B3GAT2: variants seen among roughly 807,000 people sequenced by gnomAD.
The protein encoded by B3GAT2 is beta-1,3-glucuronyltransferase 2, also known as galactosylgalactosylxylosylprotein 3-beta-glucuronosyltransferase 2.
A neutral mutation model predicts 27.8 loss-of-function variants in B3GAT2; 26 were observed. The ratio of observed to expected loss-of-function variants is 0.93; its 90% confidence interval spans 0.68 to 1.30. The LOEUF is 1.30. Among genes scored for constraint, B3GAT2 ranks in the 50% most tolerant of loss-of-function variants. B3GAT2 has a pLI of 0.00. For synonymous variants in B3GAT2, 218 were observed against 195.1 expected (o/e 1.12, Z -0.98); for missense variants, 458 against 459.0 (o/e 1.00, Z 0.02).
chr6:70,864,517 C>G (rs1771817952), intron 2 of B3GAT2, among the ~76,000 whole-genome samples: 1 of 152,206 alleles, frequency 6.6e-6, no homozygotes, highest in Admixed American at 6.5e-5. Flanking sequence ...TGGCTCTCCA[C>G]AGTACCCAAG....
At chr6:70,928,581 T>A (rs1039761709) in intron 1 of B3GAT2, among the ~76,000 whole-genome samples, 1 of 151,964 alleles carries the variant, frequency 6.6e-6, no homozygotes, top group African/African-American at 2.4e-5. Context: ...AATTAGAAAA[T>A]CTAGAAGAAA....
intron 2 of B3GAT2, among the ~76,000 whole-genome samples, chr6:70,875,427 T>C (rs1772000140): frequency 6.6e-6 from 1 of 152,194 alleles, no homozygotes; most frequent in Non-Finnish European, 1.5e-5. Flanking sequence ...TAAAGGAATG[T>C]TTCCTTTGCT....
At chr6:70,914,779 T>C (rs1772741472) in intron 1 of B3GAT2, among the ~76,000 whole-genome samples, 1 of 151,828 alleles carries the variant, frequency 6.6e-6, no homozygotes, top group African/African-American at 2.4e-5. Flanking sequence ...TAACCAGACA[T>C]AGAATACTAT....
intron 2 of B3GAT2, among the ~76,000 whole-genome samples, chr6:70,887,504 T>A (rs546590486): frequency 1.3e-5 from 2 of 152,130 alleles, no homozygotes; most frequent in Non-Finnish European, 2.9e-5. Flanking sequence ...GATAGTGCCG[T>A]CACTCAGCCC....
At position 70,935,682 on chromosome 6, in the gene B3GAT2, C is replaced by G. The variant is rs1236390577; in HGVS notation, c.591+20157G>C. ...ATGTAAGTGAAGGAGAAATAAAATA[C>G]TCTACAGACAAGCAAATGCTGAGAG... is the stretch of plus-strand genomic sequence containing the variant. On this transcript the variant is annotated intron_variant, in intron 1 of 3. Transcript: ENST00000230053. Among the ~76,000 whole-genome samples, 7 of 152,012 alleles carry G rather than the reference C, an allele frequency of 4.6e-5. 1 individual carries two copies. Among genetic ancestry groups the G allele is most frequent in the Non-Finnish European group, 2.9e-5 (2 of 67,998 alleles).
rs147796142 is a variant in B3GAT2 at position 70,924,013 on chromosome 6, G to A, written c.592-29741C>T. On this transcript the variant is annotated intron_variant, in intron 1 of 3. Transcript: ENST00000230053. Reference sequence around the variant, plus strand: ...ATTAAAACTTAACAGGTGGGAGTGGGGTGTACTTAATGGGTACAATGGAAG... The same window carrying A: ...ATTAAAACTTAACAGGTGGGAGTGGAGTGTACTTAATGGGTACAATGGAAG... Among the ~76,000 whole-genome samples, 871 of 152,164 alleles carry A rather than the reference G, an allele frequency of 5.7e-3. 5 individuals carry two copies. Among genetic ancestry groups the A allele is most frequent in the Middle Eastern group, 0.041 (12 of 294 alleles).
At chr6:70,887,666 G>C (rs1341117720) in intron 2 of B3GAT2, among the ~76,000 whole-genome samples, 2 of 152,210 alleles carry the variant, frequency 1.3e-5, no homozygotes, top group African/African-American at 4.8e-5. Context: ...TACAACCACT[G>C]TGACAAGGTG....
chr6:70,941,027 T>C (rs921593127), intron 1 of B3GAT2, among the ~76,000 whole-genome samples: 1 of 152,098 alleles, frequency 6.6e-6, no homozygotes, highest in East Asian at 1.9e-4. Flanking sequence ...CTCTCACATC[T>C]CACTTCCTCC....
Position 70,861,882 on chromosome 6 carries a change from T to A in B3GAT2, c.833A>T (p.Lys278Ile), listed in dbSNP as rs1562211376. The change falls in exon 3 of 4, where the codon AAA becomes ATA. Residue 278 changes from lysine to isoleucine, a missense_variant. By Grantham distance (102) the Lys-to-Ile change is moderately radical. Coordinates refer to ENST00000230053, the MANE Select transcript of B3GAT2 (RefSeq NM_080742.3). ...CAGTTCTTCGACTGTTGTTATCTGT[T>A]TGAGAAAGTCAGATTCTTGCATCCC... The part of the protein sequence containing the change: ...QPGMQESDFL[K>I]QITTVEELEP... 14 of 1,613,996 alleles carry A rather than the reference T, an allele frequency of 8.7e-6. No homozygotes were observed. The highest frequency in any genetic ancestry group is 1.1e-5 in the Non-Finnish European group (13 of 1,179,962).
At chr6:70,947,075 C>G (rs1765499190) in intron 1 of B3GAT2, among the ~76,000 whole-genome samples, 1 of 151,764 alleles carries the variant, frequency 6.6e-6, no homozygotes, top group South Asian at 2.1e-4. Flanking sequence ...GGGACACATT[C>G]AAAGCAGTGT....
intron 1 of B3GAT2, among the ~76,000 whole-genome samples, chr6:70,946,070 A>G (rs534630846): frequency 6.6e-6 from 1 of 152,226 alleles, no homozygotes; most frequent in South Asian, 2.1e-4. Flanking sequence ...CTCCTGAAGG[A>G]AGCACTAAAC....
intron 1 of B3GAT2, among the ~76,000 whole-genome samples, chr6:70,931,410 C>T (rs1015077510): frequency 6.6e-6 from 1 of 152,042 alleles, no homozygotes; most frequent in African/African-American, 2.4e-5. Context: ...AATAAAGCTC[C>T]AGTCTCCCAT....
At chr6:70,904,058 G>A (rs928125401) in intron 1 of B3GAT2, among the ~76,000 whole-genome samples, 2 of 152,176 alleles carry the variant, frequency 1.3e-5, no homozygotes, top group Non-Finnish European at 2.9e-5. Context: ...TATTCAGTAA[G>A]AGACAGTAAT....
At chr6:70,929,803 A>C (rs1773029981) in intron 1 of B3GAT2, among the ~76,000 whole-genome samples, 1 of 152,216 alleles carries the variant, frequency 6.6e-6, no homozygotes, top group Non-Finnish European at 1.5e-5. Flanking sequence ...ATCCCCATTG[A>C]GCTACCAATG....
chr6:70,926,370 A>G (rs1772958048), intron 1 of B3GAT2, among the ~76,000 whole-genome samples: 1 of 152,208 alleles, frequency 6.6e-6, no homozygotes, highest in Non-Finnish European at 1.5e-5. Flanking sequence ...GTAATAACAA[A>G]CTTCTCCGAG....
chr6:70,895,249 C>T (rs1341939506), intron 1 of B3GAT2, among the ~76,000 whole-genome samples: 1 of 152,162 alleles, frequency 6.6e-6, no homozygotes, highest in Non-Finnish European at 1.5e-5. Flanking sequence ...ATAATTTCAA[C>T]AGCAGTGCTT....
At chr6:70,889,623 T>C (rs1772252310) in intron 2 of B3GAT2, among the ~76,000 whole-genome samples, 1 of 152,020 alleles carries the variant, frequency 6.6e-6, no homozygotes, top group Non-Finnish European at 1.5e-5. Flanking sequence ...AACCCTCGAG[T>C]TGGAGGGGAC....
At chr6:70,905,010 A>T (rs1772575371) in intron 1 of B3GAT2, among the ~76,000 whole-genome samples, 1 of 152,214 alleles carries the variant, frequency 6.6e-6, no homozygotes, top group Non-Finnish European at 1.5e-5. Context: ...GTCCTTGACA[A>T]AGAGGTTCAG....
At chr6:70,906,188 TG>T (rs1266140427) in intron 1 of B3GAT2, among the ~76,000 whole-genome samples, 1 of 152,160 alleles carries the variant, frequency 6.6e-6, no homozygotes, top group Non-Finnish European at 1.5e-5. Context: ...TCACGGAGAA[TG>T]GGGGAAAAGA....
Sources: gnomAD v4.1 joint callset for allele counts (sites outside exome capture counted in the v4.1 genomes callset) on GRCh38, gnomAD v4.1.1 for gene constraint, MANE v1.5 for transcripts, NCBI Gene and HGNC (gene_info 2026-07-23, HGNC 2026-07-21) for gene names.